Variants in AFG1L observed in about 807,000 individuals in gnomAD.
AFG1L encodes AFG1-like ATPase.
AFG1L carries 53 observed loss-of-function variants against 62.2 expected under a neutral mutation model. That is an observed-to-expected ratio of 0.85 (90% CI 0.68 to 1.07). The LOEUF (loss-of-function observed/expected upper bound fraction) is 1.07. AFG1L is among the 50% of genes least tolerant of loss of function. The probability of loss-of-function intolerance (pLI) is 0.00; values close to 1 mark genes in which losing one functional copy is unlikely to be tolerated. For missense variants in AFG1L, 555 were observed against 590.5 expected, an observed-to-expected ratio of 0.94 and a Z score of 0.62; for synonymous variants, 228 against 210.3, an observed-to-expected ratio of 1.08 and a Z score of -0.73.
chr6:108,413,219 A>G (rs1255826010), intron 7 of AFG1L, among the ~76,000 whole-genome samples: 1 of 152,246 alleles, frequency 6.6e-6, no homozygotes, highest in Admixed American at 6.5e-5. Context: ...AGAGCTAACT[A>G]TCTTAAATAT....
intron 5 of AFG1L, among the ~76,000 whole-genome samples, chr6:108,362,536 A>G (rs974374779): frequency 6.6e-6 from 1 of 152,210 alleles, no homozygotes; most frequent in Non-Finnish European, 1.5e-5. Flanking sequence ...TAGCATATAT[A>G]CCATACATAG....
At chr6:108,385,940 A>G (rs1780744319) in intron 6 of AFG1L, among the ~76,000 whole-genome samples, 3 of 152,106 alleles carry the variant, frequency 2.0e-5, no homozygotes, top group South Asian at 2.1e-4. Context: ...GTGAGACCCC[A>G]TCTCTACAAG....
chr6:108,366,369 G>C, intron 6 of AFG1L, 37 bp downstream of exon 6: 1 of 1,278,300 alleles, frequency 7.8e-7, no homozygotes, highest in African/African-American at 1.5e-5. Flanking sequence ...ATCCAATTAG[G>C]TGGAAACTAA....
chr6:108,481,478 A>G (rs1347016315), intron 10 of AFG1L, among the ~76,000 whole-genome samples: 8 of 152,190 alleles, frequency 5.3e-5, no homozygotes, highest in Non-Finnish European at 1.0e-4. Context: ...TCACTCTGGT[A>G]GTATTTACAG....
At chr6:108,516,526 C>G (rs1774901882) in intron 11 of AFG1L, among the ~76,000 whole-genome samples, 2 of 152,156 alleles carry the variant, frequency 1.3e-5, no homozygotes, top group African/African-American at 4.8e-5. Context: ...CTATCTATGA[C>G]AAACCCACAG....
At chr6:108,467,418 T>A (rs1055941314) in intron 8 of AFG1L, among the ~76,000 whole-genome samples, 46 of 151,976 alleles carry the variant, frequency 3.0e-4, no homozygotes, top group Admixed American at 1.3e-4. Flanking sequence ...GCTAGTTTTT[T>A]AATATTTTTA....
intron 2 of AFG1L, among the ~76,000 whole-genome samples, chr6:108,343,357 G>GTT (rs66810407): frequency 4.4e-4 from 66 of 150,696 alleles, no homozygotes; most frequent in Non-Finnish European, 6.8e-4. Context: ...CAACCTTTTT[G>GTT]TTTTTTTTTA....
intron 10 of AFG1L, among the ~76,000 whole-genome samples, chr6:108,483,962 C>A (rs1306560508): frequency 1.3e-5 from 2 of 152,078 alleles, no homozygotes; most frequent in African/African-American, 2.4e-5. Flanking sequence ...TCTTTTTATG[C>A]TTTATTTAGC....
intron 6 of AFG1L, among the ~76,000 whole-genome samples, chr6:108,398,046 GT>G (rs1482744104): frequency 1.3e-5 from 2 of 152,106 alleles, no homozygotes; most frequent in African/African-American, 2.4e-5. Flanking sequence ...CTCCATAGTG[GT>G]TGTACTAATT....
At chr6:108,383,215 A>T (rs572182459) in intron 6 of AFG1L, among the ~76,000 whole-genome samples, 3 of 152,372 alleles carry the variant, frequency 2.0e-5, no homozygotes, top group African/African-American at 7.2e-5. Flanking sequence ...CCTGGGCAAC[A>T]GAGCGAGTCT....
intron 6 of AFG1L, among the ~76,000 whole-genome samples, chr6:108,401,349 A>G (rs1781602307): frequency 6.6e-6 from 1 of 151,100 alleles, no homozygotes; most frequent in Admixed American, 6.6e-5. Flanking sequence ...TCACCTTGTT[A>G]GCCAGGATGG....
intron 10 of AFG1L, among the ~76,000 whole-genome samples, chr6:108,499,454 C>G (rs191803914): frequency 6.6e-6 from 1 of 151,448 alleles, no homozygotes; most frequent in Non-Finnish European, 1.5e-5. Flanking sequence ...AATTTTAATC[C>G]AGGCCAGGCA....
At chr6:108,505,080 T>TA (rs1491465471) in intron 10 of AFG1L, among the ~76,000 whole-genome samples, 1 of 30,330 alleles carries the variant, frequency 3.3e-5, no homozygotes, top group Non-Finnish European at 6.5e-5. Flanking sequence ...TGAGCTTGGA[T>TA]TTTTTTTTTT....
chr6:108,316,268 C>A (rs1458257420), intron 1 of AFG1L, among the ~76,000 whole-genome samples: 1 of 143,054 alleles, frequency 7.0e-6, no homozygotes, highest in Non-Finnish European at 1.5e-5. Context: ...GTAGTCCCAG[C>A]TACTTGGGAG....
At chr6:108,474,010 T>G (rs1482191169) in intron 8 of AFG1L, among the ~76,000 whole-genome samples, 1 of 152,206 alleles carries the variant, frequency 6.6e-6, no homozygotes, top group Non-Finnish European at 1.5e-5. Context: ...CATTAGCTAT[T>G]TATCCTGATG....
At chr6:108,362,805 A>G (rs762050967) in intron 5 of AFG1L, among the ~76,000 whole-genome samples, 2 of 152,202 alleles carry the variant, frequency 1.3e-5, no homozygotes, top group Non-Finnish European at 2.9e-5. Flanking sequence ...GTTTAAATAT[A>G]CAATTCTAGA....
chr6:108,456,472 G>GT (rs935968939), intron 8 of AFG1L, among the ~76,000 whole-genome samples: 15 of 151,278 alleles, frequency 9.9e-5, no homozygotes, highest in Middle Eastern at 3.4e-3. Flanking sequence ...CTTGCTACTT[G>GT]TTTTTTTTGT....
At chr6:108,373,209 T>G (rs931606517) in intron 6 of AFG1L, among the ~76,000 whole-genome samples, 1 of 151,958 alleles carries the variant, frequency 6.6e-6, no homozygotes, top group Non-Finnish European at 1.5e-5. Context: ...CCTCTAGTAG[T>G]CCCCCGTGTC....
intron 1 of AFG1L, among the ~76,000 whole-genome samples, chr6:108,316,992 G>A (rs1777629861): frequency 6.6e-6 from 1 of 151,850 alleles, no homozygotes; most frequent in African/African-American, 2.4e-5. Context: ...ATTTCAAGAG[G>A]CTCCAAGACA....
Sources: allele counts gnomAD v4.1 joint callset (sites outside exome capture counted in the v4.1 genomes callset), GRCh38; gene constraint gnomAD v4.1.1; transcripts MANE v1.5; gene names NCBI Gene and HGNC (gene_info 2026-07-23, HGNC 2026-07-21).